METTL2A: variants seen among roughly 807,000 people sequenced by gnomAD.
METTL2A encodes tRNA N(3)-cytidine methyltransferase METTL2A.
In METTL2A, 45 loss-of-function variants were observed where a neutral mutation model predicts 49.4. The observed-to-expected ratio is 0.91, with a 90% CI of 0.72 to 1.17. The LOEUF (loss-of-function observed/expected upper bound fraction) is 1.17. METTL2A is among the 50% of genes most tolerant of loss of function. The pLI, the probability that METTL2A is intolerant of heterozygous loss-of-function variation, is 0.00. For missense variants in METTL2A, 361 were observed against 462.2 expected (o/e 0.78, Z 2.01); for synonymous variants, 118 against 167.5 (o/e 0.70, Z 2.28).
rs1010438164 is a variant in METTL2A, at chr17:62,425,449, C to T, written c.203-850C>T. Among the ~76,000 whole-genome samples the T allele has an allele frequency of 1.3e-4, 18 of 140,782 alleles. 1 individual carries two copies. The highest frequency in any genetic ancestry group is 3.0e-4 in the Admixed American group (4 of 13,188). 92.4% of individuals were successfully genotyped at this position (140,782 alleles called of 152,430 possible). ...GTCACCAGGCTGGAGTGCAGTGGCA[C>T]GATCTCAGCTCGCTGCAATCTCCTC... On this transcript the variant is annotated intron_variant, in intron 2 of 8. Coordinates refer to ENST00000311506, the MANE Select transcript of METTL2A (RefSeq NM_181725.4).
intron 5 of METTL2A, among the ~76,000 whole-genome samples, chr17:62,439,010 G>T (rs1281474050): frequency 7.5e-6 from 1 of 132,732 alleles, no homozygotes; most frequent in Non-Finnish European, 1.5e-5. Context: ...ACGGAGTCTA[G>T]CTCTGTCGCC....
intron 6 of METTL2A, among the ~76,000 whole-genome samples, chr17:62,442,115 A>C (rs989517107): frequency 6.6e-6 from 1 of 152,080 alleles, no homozygotes; most frequent in Non-Finnish European, 1.5e-5. Context: ...TTTACATTGA[A>C]CCTTAACTAA....
At chr17:62,424,136 G>T in intron 1 of METTL2A, 83 bp from the exon 2 acceptor site, 1 of 1,601,080 alleles carries the variant, frequency 6.2e-7, no homozygotes, top group South Asian at 1.1e-5. Context: ...ACTCTCCAAG[G>T]GGAGAGAAAC....
chr17:62,441,793 T>C (rs1055884309), intron 6 of METTL2A, among the ~76,000 whole-genome samples: 1 of 147,982 alleles, frequency 6.8e-6, no homozygotes, highest in Non-Finnish European at 1.5e-5. Context: ...CCGGCTGGGG[T>C]GCAGTGATGA....
intron 6 of METTL2A, 93 bp from the exon 7 acceptor site, chr17:62,444,744 G>C: frequency 8.1e-7 from 1 of 1,230,942 alleles, no homozygotes; most frequent in Non-Finnish European, 1.2e-6. Context: ...TGTCAGTTGA[G>C]GAAGTCCACT....
chr17:62,446,540 T>C (rs1422607967), intron 7 of METTL2A, among the ~76,000 whole-genome samples: 1 of 152,184 alleles, frequency 6.6e-6, no homozygotes, highest in African/African-American at 2.4e-5. Context: ...CTCGAACTCC[T>C]GACCTTAGGT....
intron 4 of METTL2A, among the ~76,000 whole-genome samples, chr17:62,433,503 G>A (rs2070679805): frequency 6.6e-6 from 1 of 151,806 alleles, no homozygotes; most frequent in Admixed American, 6.6e-5. Context: ...ACTTTGGGAA[G>A]CCAAAGTGGG....
At position 62,451,807 on chromosome 17, in the gene METTL2A, T is replaced by C. The variant is rs1269705958; in HGVS notation, c.*3078T>C. On this transcript the variant is annotated 3_prime_UTR_variant, in exon 9 of 9. Transcript: ENST00000311506. The stretch of plus-strand genomic sequence containing the variant: ...TGGAAGGCTGAGGCAGGAGAATCAC[T>C]TGAATCTGGGAGGCGGAGGTTGCAG... Among the ~76,000 whole-genome samples, 2 of 151,900 alleles carry C rather than the reference T, an allele frequency of 1.3e-5. No homozygotes were observed. The highest frequency in any genetic ancestry group is 2.9e-5 in the Non-Finnish European group (2 of 67,978).
At chr17:62,424,373 G>T in intron 2 of METTL2A, 63 bp downstream of exon 2, 1 of 1,605,038 alleles carries the variant, frequency 6.2e-7, no homozygotes, top group South Asian at 1.1e-5. Flanking sequence ...CGCCCTCCCG[G>T]AGAGGCCAGG....
rs1172413790 is a variant in METTL2A, at chr17:62,424,248, C to A, written c.140C>A (p.Ala47Asp). Residue 47 changes from alanine to aspartate, a missense_variant, in exon 2 of 9, where the codon GCC (alanine) becomes GAC (aspartate). By Grantham distance (126) the Ala-to-Asp change is moderately radical (BLOSUM62 -2). Coordinates refer to ENST00000311506, the MANE Select transcript of METTL2A (RefSeq NM_181725.4). Reference protein sequence around the residue: ...WDNVEWSEEQAAAAERKVQEN... With the variant: ...WDNVEWSEEQDAAAERKVQEN... ...AATGTGGAGTGGTCGGAAGAGCAAG[C>A]CGCGGCGGCGGAGAGAAAAGTCCAG... 1.2e-6 allele frequency: 2 copies of A among 1,614,122 alleles called. No homozygotes were observed. Among genetic ancestry groups the A allele is most frequent in the Admixed American group, 1.7e-5 (1 of 60,018 alleles).
At chr17:62,448,492 C>A in intron 8 of METTL2A, 83 bp from the exon 9 acceptor site, 1 of 1,536,752 alleles carries the variant, frequency 6.5e-7, no homozygotes, top group Admixed American at 2.1e-5. Flanking sequence ...CTTCCCAGAG[C>A]CCCTTTTAAC....
intron 4 of METTL2A, among the ~76,000 whole-genome samples, chr17:62,431,249 C>T (rs1374263486): frequency 6.6e-6 from 1 of 152,154 alleles, no homozygotes; most frequent in Non-Finnish European, 1.5e-5. Flanking sequence ...GATCCACCCA[C>T]GTCGGCCTCC....
chr17:62,447,551 T>G lies in METTL2A; in HGVS notation c.917-150T>G, dbSNP rs111805387. 5,014 of 765,660 alleles carry G rather than the reference T, an allele frequency of 6.5e-3. 167 individuals carry two copies. In the African/African-American group the frequency reaches 0.073, roughly 11 times the overall value. The allele number at this position is 765,660 out of a possible 1,614,324, so 47.4% of individuals were successfully genotyped here. A position where few individuals can be genotyped will look rare whatever the true frequency, so the allele number is the denominator to read the frequency against. ...AGGAACGTCATGTTTTCTGACATTG[T>G]GACTTACTCCTGTTGAGCTGCTCTT... On this transcript the variant is annotated intron_variant, in intron 7 of 8. Coordinates refer to ENST00000311506, the MANE Select transcript of METTL2A (RefSeq NM_181725.4).
intron 6 of METTL2A, among the ~76,000 whole-genome samples, chr17:62,442,910 G>A (rs1336637787): frequency 6.6e-6 from 1 of 152,174 alleles, no homozygotes; most frequent in Non-Finnish European, 1.5e-5. Context: ...AGAGTCCAAG[G>A]ACCCCTCACT....
At chr17:62,429,053 T>C (rs57873928) in intron 4 of METTL2A, among the ~76,000 whole-genome samples, 16,747 of 152,218 alleles carry the variant, frequency 0.11, 2,344 homozygotes, top group East Asian at 0.45. Context: ...CCCAAAGTGC[T>C]GGAATTACAT....
chr17:62,431,111 C>T (rs368326751), intron 4 of METTL2A, among the ~76,000 whole-genome samples: 1 of 151,584 alleles, frequency 6.6e-6, no homozygotes, highest in South Asian at 2.1e-4. Flanking sequence ...GTGATCCACC[C>T]GCCTCAGCCT....
chr17:62,447,236 T>A (rs1823525), intron 7 of METTL2A, among the ~76,000 whole-genome samples: 20,246 of 151,930 alleles, frequency 0.13, 3,386 homozygotes, highest in East Asian at 0.47. Context: ...CTGGCCAACA[T>A]GGTGAAACCC....
At chr17:62,446,108 C>T (rs1303576494) in intron 7 of METTL2A, among the ~76,000 whole-genome samples, 2 of 152,088 alleles carry the variant, frequency 1.3e-5, no homozygotes, top group African/African-American at 4.8e-5. Flanking sequence ...CTGGCCAATT[C>T]AAAGAAAGAG....
Position 62,440,672 on chromosome 17 carries a change from A to T in METTL2A, c.725A>T (p.Asp242Val). The T allele has an allele frequency of 1.2e-6, 2 of 1,614,148 alleles. No individual in the cohort carries two copies. Among genetic ancestry groups the T allele is most frequent in the South Asian group, 2.2e-5 (2 of 91,080 alleles). The change falls in exon 6 of 9, where the codon GAT (aspartate) becomes GTT (valine). Residue 242 changes from aspartate (D) to valine (V), a missense_variant. This residue lies in a region of METTL2A where 183 missense variants were observed against 216.5 expected (regional missense o/e 0.85). Coordinates refer to ENST00000311506, the MANE Select transcript of METTL2A (RefSeq NM_181725.4). ...TTTGCCTTTGTTCACGACCTGTGTG[A>T]TGAAGAGAAGAGTTACCCAGTGCCC... is the stretch of plus-strand genomic sequence containing the variant. ...RCFAFVHDLC[D>V]EEKSYPVPKG...
Sources: gnomAD v4.1 joint callset for allele counts (sites outside exome capture counted in the v4.1 genomes callset) on GRCh38, gnomAD v4.1.1 for gene constraint, gnomAD v4.1.1 regional missense constraint, MANE v1.5 for transcripts, NCBI Gene and HGNC (gene_info 2026-07-23, HGNC 2026-07-21) for gene names.